Variants in UBE4B observed in about 807,000 individuals in gnomAD.
UBE4B encodes ubiquitin conjugation factor E4 B.
A neutral mutation model predicts 148.1 loss-of-function variants in UBE4B; 27 were observed. The observed-to-expected ratio is 0.18, with a 90% confidence interval of 0.13 to 0.25. The LOEUF (loss-of-function observed/expected upper bound fraction) is 0.25, where lower values mean the gene tolerates loss of function less well. Ranked by LOEUF, UBE4B falls within the 10% of genes least tolerant of loss-of-function variation. UBE4B has a pLI of 1.00. For missense variants in UBE4B, 1,170 were observed against 1,662.4 expected (o/e 0.70, Z 5.15); for synonymous variants, 596 against 619.3 (o/e 0.96, Z 0.56).
intron 22 of UBE4B, among the ~76,000 whole-genome samples, chr1:10,160,915 G>T (rs1646149728): frequency 6.6e-6 from 1 of 152,058 alleles, no homozygotes; most frequent in Non-Finnish European, 1.5e-5. Context: ...TGCATTCCAG[G>T]CTGGGCGACA....
chr1:10,065,914 G>A (rs1374771470), intron 1 of UBE4B, among the ~76,000 whole-genome samples: 29 of 151,704 alleles, frequency 1.9e-4, no homozygotes, highest in Non-Finnish European at 4.4e-5. Flanking sequence ...TTTTGCAACC[G>A]GCTTTTTCAA....
intron 1 of UBE4B, among the ~76,000 whole-genome samples, chr1:10,044,192 T>C (rs1010035576): frequency 1.9e-4 from 29 of 152,054 alleles, no homozygotes; most frequent in African/African-American, 6.0e-4. Flanking sequence ...ATTATAGGTG[T>C]ATAGGTGCGT....
At chr1:10,038,280 CAAA>C (rs535925205) in intron 1 of UBE4B, among the ~76,000 whole-genome samples, 6 of 95,512 alleles carry the variant, frequency 6.3e-5, no homozygotes, top group Admixed American at 1.1e-4. Flanking sequence ...AACTCCATCT[CAAA>C]AAAAAAAAAA....
chr1:10,138,221 C>T (rs530846230), intron 17 of UBE4B, among the ~76,000 whole-genome samples: 1 of 151,950 alleles, frequency 6.6e-6, no homozygotes, highest in Admixed American at 6.6e-5. Context: ...TCTCAGTCTC[C>T]TGAGTAGCTG....
chr1:10,071,767 C>T (rs1202681911), intron 1 of UBE4B, among the ~76,000 whole-genome samples: 2 of 152,084 alleles, frequency 1.3e-5, no homozygotes, highest in Non-Finnish European at 2.9e-5. Context: ...TAGGCTCAAG[C>T]GATTACCCCC....
At chr1:10,137,927 T>TTTC (rs1206776787) in intron 17 of UBE4B, among the ~76,000 whole-genome samples, 1 of 116,670 alleles carries the variant, frequency 8.6e-6, no homozygotes. Context: ...AATTCTTTTT[T>TTTC]TTTTTTTTTT....
At chr1:10,078,903 A>C (rs1412436492) in intron 2 of UBE4B, among the ~76,000 whole-genome samples, 2 of 152,156 alleles carry the variant, frequency 1.3e-5, no homozygotes, top group Non-Finnish European at 2.9e-5. Context: ...TGCGGCCACA[A>C]ACTCCTGAGC....
rs146983740 is a variant in UBE4B at position 10,106,251 on chromosome 1, G to A, written c.864G>A (p.Val288=). ...CCAGTTTCTGGAGCTCTGTTCCCGT[G>A]ATGGGCCCGTCTCTTGCCTCACCTT... The part of the protein sequence containing the change: ...PTPSFWSSVP[V]MGPSLASPSR... Residue 288 remains valine (V), a synonymous_variant, in exon 7 of 28, where the codon GTG becomes GTA. Transcript: ENST00000343090. This position sits in a 1 kb window ranked among gnomAD's most constrained non-coding sequence, Gnocchi z 4.2. The A allele has an allele frequency of 5.0e-6, 8 of 1,613,862 alleles. No individual in the cohort carries two copies. In the Admixed American group the frequency reaches 1.2e-4, roughly 24 times the overall value.
chr1:10,080,852 T>TA (rs1644666718), intron 2 of UBE4B, among the ~76,000 whole-genome samples: 1 of 152,052 alleles, frequency 6.6e-6, no homozygotes, highest in Non-Finnish European at 1.5e-5. Flanking sequence ...CGTGGGAGCT[T>TA]AAAAAGTTGA....
rs1242405881 is a variant in UBE4B at position 10,093,717 on chromosome 1, C to T, written c.212-1744C>T. Reference sequence around the variant, plus strand: ...TTTTTTTTTTCTTTTTTTTTTGAGACGGAGTCTTGCTCTGTCACCCAGGCT... The same window carrying T: ...TTTTTTTTTTCTTTTTTTTTTGAGATGGAGTCTTGCTCTGTCACCCAGGCT... On this transcript the variant is annotated intron_variant, in intron 2 of 27. Coordinates refer to ENST00000343090, the MANE Select transcript of UBE4B (RefSeq NM_001105562.3). 5.4e-5 allele frequency among the ~76,000 whole-genome samples: 8 copies of T among 148,066 alleles called. 1 individual carries two copies. The South Asian group carries it at 8.5e-4, about 16-fold the overall frequency.
chr1:10,039,614 AT>A (rs1464435953), intron 1 of UBE4B, among the ~76,000 whole-genome samples: 1 of 127,328 alleles, frequency 7.9e-6, no homozygotes, highest in Non-Finnish European at 1.7e-5. Flanking sequence ...TTTTTTTTGT[AT>A]TTTTAGTAAA....
intron 2 of UBE4B, among the ~76,000 whole-genome samples, chr1:10,083,836 G>C (rs937947442): frequency 6.6e-6 from 1 of 152,164 alleles, no homozygotes. Context: ...GGCCCCCAAA[G>C]GGGTATGTTT....
intron 1 of UBE4B, among the ~76,000 whole-genome samples, chr1:10,054,289 T>G (rs1644117977): frequency 6.6e-6 from 1 of 152,222 alleles, no homozygotes; most frequent in African/African-American, 2.4e-5. Context: ...AAGAAATACA[T>G]TAAATTTGAA....
intron 7 of UBE4B, among the ~76,000 whole-genome samples, chr1:10,109,349 T>A (rs1417698054): frequency 6.6e-6 from 1 of 152,210 alleles, no homozygotes; most frequent in Non-Finnish European, 1.5e-5. Flanking sequence ...TTGTTTGTTC[T>A]TGTTCCTTAC....
intron 17 of UBE4B, among the ~76,000 whole-genome samples, chr1:10,143,015 C>T (rs774335697): frequency 6.6e-6 from 1 of 151,414 alleles, no homozygotes; most frequent in Non-Finnish European, 1.5e-5. Context: ...GGCTGAGGTA[C>T]GAGAATTATT....
chr1:10,175,686 TAAAA>T (rs992230720), intron 25 of UBE4B, among the ~76,000 whole-genome samples: 2 of 151,396 alleles, frequency 1.3e-5, no homozygotes, highest in Admixed American at 6.6e-5. Context: ...AAAAAGAAAA[TAAAA>T]AAAATAAAAA....
chr1:10,118,822 G>T (rs968467189), intron 8 of UBE4B, among the ~76,000 whole-genome samples: 2,546 of 80,548 alleles, frequency 0.032, 32 homozygotes, highest in Non-Finnish European at 0.045. Flanking sequence ...TAATTTTTAT[G>T]TTTTTTTTAG....
In UBE4B at chr1:10,180,053, C is replaced by T; in HGVS notation, c.*97C>T. ...GAAGCTGCCGTTCATGTGTTGGAGG[C>T]CAAATGTGGCAAACCAACCCCAGGC... On this transcript the variant is annotated 3_prime_UTR_variant, in exon 28 of 28. Coordinates refer to ENST00000343090, the MANE Select transcript of UBE4B (RefSeq NM_001105562.3). 1 of 1,534,026 alleles carries T rather than the reference C, an allele frequency of 6.5e-7. No homozygotes were observed. Among genetic ancestry groups the T allele is most frequent in the Non-Finnish European group, 8.9e-7 (1 of 1,119,614 alleles).
chr1:10,117,634 A>G lies in UBE4B; in HGVS notation c.1338+34A>G, dbSNP rs1443023395. ...AAATGGATTAACTTAAAAAAAAAAA[A>G]GCCTAGTTATTTGTTTGATTATCCC... is the stretch of plus-strand genomic sequence containing the variant. On this transcript the variant is annotated intron_variant, in intron 8 of 27. Coordinates refer to ENST00000343090, the MANE Select transcript of UBE4B (RefSeq NM_001105562.3). 6.5e-6 allele frequency: 10 copies of G among 1,535,746 alleles called. No individual in the cohort carries two copies. In the South Asian group the frequency reaches 1.3e-4, roughly 19 times the overall value.
Sources: gnomAD v4.1 joint callset for allele counts (sites outside exome capture counted in the v4.1 genomes callset) on GRCh38, gnomAD v4.1.1 for gene constraint, Gnocchi (gnomAD v3.1) non-coding constraint, MANE v1.5 for transcripts, NCBI Gene and HGNC (gene_info 2026-07-23, HGNC 2026-07-21) for gene names.